Variants in PLXNA1 observed in about 807,000 individuals in gnomAD.
PLXNA1 encodes plexin-A1.
In PLXNA1, 77 loss-of-function variants were observed where a neutral mutation model predicts 191.7. That is an observed-to-expected ratio of 0.40 (90% CI 0.33 to 0.49). The LOEUF is 0.49. PLXNA1 is among the 20% of genes least tolerant of loss of function. The pLI is 0.63. For synonymous variants in PLXNA1, 1,137 were observed against 1,156.4 expected, an observed-to-expected ratio of 0.98 and a Z score of 0.34; for missense variants, 2,110 against 2,660.2, an observed-to-expected ratio of 0.79 and a Z score of 4.55.
chr3:127,013,666 A>G (rs2079106830), intron 10 of PLXNA1, among the ~76,000 whole-genome samples: 1 of 152,248 alleles, frequency 6.6e-6, no homozygotes, highest in African/African-American at 2.4e-5. Flanking sequence ...TACACAGAGC[A>G]TGCTGATGCG....
rs540296357 is a variant in PLXNA1 at position 127,028,366 on chromosome 3, C to T, written c.4669+26C>T. The T allele has an allele frequency of 1.1e-4, 174 of 1,598,684 alleles. No individual in the cohort carries two copies. In the South Asian group the frequency reaches 1.5e-3, roughly 14 times the overall value. Reference sequence around the variant, plus strand: ...GTGAGCGGGCGGGGCCACGGCTGCCCGGGGTGTGTGCTGGAGCAGAGGGGC... The same window carrying T: ...GTGAGCGGGCGGGGCCACGGCTGCCTGGGGTGTGTGCTGGAGCAGAGGGGC... On this transcript the variant is annotated intron_variant, in intron 25 of 31. Coordinates refer to ENST00000393409, the MANE Select transcript of PLXNA1 (RefSeq NM_032242.4).
chr3:126,985,598 C>A (rs185916872), intron 1 of PLXNA1, among the ~76,000 whole-genome samples: 1 of 152,138 alleles, frequency 6.6e-6, no homozygotes, highest in South Asian at 2.1e-4. Context: ...CTCTGCTCCT[C>A]GGTAGAGTGC....
Position 127,017,516 on chromosome 3 carries a change from C to T in PLXNA1, c.3368C>T (p.Pro1123Leu), listed in dbSNP as rs144485621. The T allele has an allele frequency of 1.2e-4, 193 of 1,613,458 alleles. No individual in the cohort carries two copies. Among genetic ancestry groups the T allele is most frequent in the Admixed American group, 2.5e-4 (15 of 60,012 alleles). ...VRSPPELGER[P>L]DELGFVMDNV... ...AGCCCACCAGAGCTGGGGGAGCGGC[C>T]GGATGAGCTGGGCTTCGTCATGGAC... Residue 1123 changes from proline (P) to leucine (L), a missense_variant, in exon 18 of 32, where the codon CCG becomes CTG. Physicochemically the swap from Pro to Leu is moderately conservative, Grantham distance 98 (BLOSUM62 -3). This residue lies in a region of PLXNA1 where 644 missense variants were observed against 714.3 expected (regional missense o/e 0.90). Coordinates refer to ENST00000393409, the MANE Select transcript of PLXNA1 (RefSeq NM_032242.4).
Position 127,034,121 on chromosome 3 carries a change from C to T in PLXNA1, c.*104C>T, listed in dbSNP as rs578099512. ...GTGGAGTGTCCGGTGGTGCTCGGGC[C>T]GCCGCAGTGCAGCGACTGCCCGGCC... On this transcript the variant is annotated 3_prime_UTR_variant, in exon 32 of 32. Coordinates refer to ENST00000393409, the MANE Select transcript of PLXNA1 (RefSeq NM_032242.4). 2.7e-5 allele frequency: 29 copies of T among 1,070,594 alleles called. 1 individual carries two copies. The South Asian group carries it at 3.3e-4, about 12-fold the overall frequency. 66.3% of individuals were successfully genotyped at this position (1,070,594 alleles called of 1,614,324 possible). A position where few individuals can be genotyped will look rare whatever the true frequency, so the allele number is the denominator to read the frequency against.
intron 3 of PLXNA1, among the ~76,000 whole-genome samples, chr3:126,997,209 C>T (rs1015796299): frequency 1.3e-5 from 2 of 152,250 alleles, no homozygotes; most frequent in Non-Finnish European, 2.9e-5. Flanking sequence ...CCAGTCCTTG[C>T]AGGCCTGTTG....
At chr3:127,018,150 T>C (rs544501396) in intron 19 of PLXNA1, 144 bp from the exon 20 acceptor site, 38 of 883,082 alleles carry the variant, frequency 4.3e-5, no homozygotes, top group Non-Finnish European at 5.9e-5. Flanking sequence ...TCCCAGTGTC[T>C]CCACCCTGGT....
chr3:126,997,364 G>A (rs538796785), intron 3 of PLXNA1, among the ~76,000 whole-genome samples: 9 of 152,310 alleles, frequency 5.9e-5, no homozygotes, highest in Non-Finnish European at 1.0e-4. Flanking sequence ...ACTTGGTGGC[G>A]GCCTGTGGCA....
Position 126,988,598 on chromosome 3 carries a change from C to A in PLXNA1, c.5C>A (p.Pro2Gln), listed in dbSNP as rs576960383. The A allele has an allele frequency of 1.3e-5, 20 of 1,509,534 alleles. No individual in the cohort carries two copies. In the African/African-American group the frequency reaches 2.5e-4, roughly 19 times the overall value. The allele number at this position is 1,509,534 out of a possible 1,614,324, so 93.5% of individuals were successfully genotyped here. A position where few individuals can be genotyped will look rare whatever the true frequency, so the allele number is the denominator to read the frequency against. Residue 2 changes from proline (P) to glutamine (Q), a missense_variant, in exon 2 of 32, where the codon CCG becomes CAG. By Grantham distance (76) the Pro-to-Gln change is moderately conservative. Around this residue, in one of 4 missense-constraint regions of PLXNA1, gnomAD observed 903 missense variants for 1,015.7 expected, o/e 0.89. Transcript: ENST00000393409. ...GGCCCAAGGCCCCAGCCTGCCATGCCGCTGCCACCGCGGAGCCTGCAGGTG... is the reference window on the plus strand; with the variant it reads ...GGCCCAAGGCCCCAGCCTGCCATGCAGCTGCCACCGCGGAGCCTGCAGGTG... Reference protein sequence around the residue: MPLPPRSLQVLL... With the variant: MQLPPRSLQVLL...
Position 127,007,817 on chromosome 3 carries a change from C to T in PLXNA1, c.2016C>T (p.Asn672=), listed in dbSNP as rs745393581. 36 of 1,612,284 alleles carry T rather than the reference C, an allele frequency of 2.2e-5. 1 individual carries two copies. Among genetic ancestry groups the T allele is most frequent in the Admixed American group, 6.7e-5 (4 of 59,920 alleles). The change falls in exon 9 of 32, where the codon AAC becomes AAT. Residue 672 remains asparagine, a synonymous_variant. Coordinates refer to ENST00000393409, the MANE Select transcript of PLXNA1 (RefSeq NM_032242.4). The stretch of plus-strand genomic sequence containing the variant: ...CCTGCAGCTGCCTGTCCTGTGTCAA[C>T]GGCTCCTTTCCCTGCCACTGGTGCA... ...SVHQSCLSCV[N]GSFPCHWCKY...
Position 127,012,168 on chromosome 3 carries a change from C to T in PLXNA1, c.2313+10C>T, listed in dbSNP as rs751196118. ...GTGCCAGAATTCCTCGGTGAGGTGGCCAGGGCAGGGGCTGGGGGCCGTGAG... is the reference window on the plus strand; with the variant it reads ...GTGCCAGAATTCCTCGGTGAGGTGGTCAGGGCAGGGGCTGGGGGCCGTGAG... On this transcript the variant is annotated intron_variant, in intron 10 of 31. Coordinates refer to ENST00000393409, the MANE Select transcript of PLXNA1 (RefSeq NM_032242.4). 1 of 1,608,678 alleles carries T rather than the reference C, an allele frequency of 6.2e-7. No homozygotes were observed. Among genetic ancestry groups the T allele is most frequent in the South Asian group, 1.1e-5 (1 of 90,812 alleles).
intron 23 of PLXNA1, among the ~76,000 whole-genome samples, chr3:127,024,577 T>C (rs1198101873): frequency 6.6e-6 from 1 of 152,156 alleles, no homozygotes; most frequent in South Asian, 2.1e-4. Context: ...GTTGGGGGCT[T>C]CACAGCCCAT....
At chr3:127,022,916 A>G (rs1302501463) in intron 23 of PLXNA1, 98 bp downstream of exon 23, 4 of 1,093,424 alleles carry the variant, frequency 3.7e-6, no homozygotes, top group Non-Finnish European at 5.5e-6. Flanking sequence ...CTGGAGAATG[A>G]CAGCTGGTGG....
Position 127,005,155 on chromosome 3 carries a change from C to A in PLXNA1, c.1809C>A (p.Phe603Leu). The A allele has an allele frequency of 6.2e-7, 1 of 1,612,694 alleles. No individual in the cohort carries two copies. Among genetic ancestry groups the A allele is most frequent in the Non-Finnish European group, 8.5e-7 (1 of 1,179,926 alleles). ...SAGVNCSFED[F>L]TESESVLEDG... is the part of the protein sequence containing the mutation. ...GCGTCAACTGCTCCTTCGAGGACTT[C>A]ACGGAATCTGAGAGCGTCCTGGAGG... Residue 603 changes from phenylalanine (F) to leucine (L), a missense_variant, in exon 7 of 32, where the codon TTC becomes TTA. Physicochemically the swap from Phe to Leu is conservative, Grantham distance 22. Transcript: ENST00000393409.
Position 127,014,687 on chromosome 3 carries a change from C to G in PLXNA1, c.2757-24C>G, listed in dbSNP as rs766717928. 3.7e-6 allele frequency: 6 copies of G among 1,610,712 alleles called. No individual in the cohort carries two copies. The Admixed American group carries it at 1.0e-4, about 27-fold the overall frequency. On this transcript the variant is annotated intron_variant, in intron 13 of 31. Coordinates refer to ENST00000393409, the MANE Select transcript of PLXNA1 (RefSeq NM_032242.4). Reference sequence around the variant, plus strand: ...ACGGGACGGGGCGGGGCTCCTGCAGCCCCTGAGGCCCGCCTGCCCACAGGA... The same window carrying G: ...ACGGGACGGGGCGGGGCTCCTGCAGGCCCTGAGGCCCGCCTGCCCACAGGA...
At position 127,018,542 on chromosome 3, in the gene PLXNA1, A is replaced by G. The variant is rs1559963100; in HGVS notation, c.3895+14A>G. On this transcript the variant is annotated intron_variant, in intron 20 of 31. Coordinates refer to ENST00000393409, the MANE Select transcript of PLXNA1 (RefSeq NM_032242.4). ...AATGCAAGGAAGGTCTGTTGGGGCCAGGGCTCACTGGGGCAACTGCCACCT... is the reference window on the plus strand; with the variant it reads ...AATGCAAGGAAGGTCTGTTGGGGCCGGGGCTCACTGGGGCAACTGCCACCT... 2.5e-6 allele frequency: 4 copies of G among 1,592,878 alleles called. No individual in the cohort carries two copies. Among genetic ancestry groups the G allele is most frequent in the Non-Finnish European group, 2.6e-6 (3 of 1,164,704 alleles).
intron 1 of PLXNA1, among the ~76,000 whole-genome samples, chr3:126,988,261 G>A (rs1423971219): frequency 6.6e-6 from 1 of 152,178 alleles, no homozygotes; most frequent in Non-Finnish European, 1.5e-5. Context: ...CCTGGCCTCC[G>A]CCAGTGATGG....
intron 22 of PLXNA1, 71 bp downstream of exon 22, chr3:127,022,412 A>C: frequency 6.4e-7 from 1 of 1,551,174 alleles, no homozygotes; most frequent in Non-Finnish European, 8.7e-7. Flanking sequence ...TTGGTCTAGC[A>C]GGCCCAGAGA....
At chr3:127,019,476 T>A (rs1408684785) in intron 20 of PLXNA1, among the ~76,000 whole-genome samples, 10 of 152,158 alleles carry the variant, frequency 6.6e-5, no homozygotes, top group Non-Finnish European at 1.5e-4. Context: ...TGAGGCTGGC[T>A]GTCTGGCGAG....
Position 127,004,866 on chromosome 3 carries a change from T to G in PLXNA1, c.1620-19T>G. 3 of 1,576,728 alleles carry G rather than the reference T, an allele frequency of 1.9e-6. No homozygotes were observed. The highest frequency in any genetic ancestry group is 1.7e-6 in the Non-Finnish European group (2 of 1,159,608). The stretch of plus-strand genomic sequence containing the variant: ...CGTAGGTCTCCCCATCCGCCCAGCC[T>G]CAACCCCTCTGCCTGCAGCTGCTCG... On this transcript the variant is annotated intron_variant, in intron 5 of 31. Coordinates refer to ENST00000393409, the MANE Select transcript of PLXNA1 (RefSeq NM_032242.4).
Sources: gnomAD v4.1 joint callset for allele counts (sites outside exome capture counted in the v4.1 genomes callset) on GRCh38, gnomAD v4.1.1 for gene constraint, gnomAD v4.1.1 regional missense constraint, MANE v1.5 for transcripts, NCBI Gene and HGNC (gene_info 2026-07-23, HGNC 2026-07-21) for gene names.